The following POSTN variants were observed in gnomAD, a reference collection of about 807,000 sequenced individuals.
POSTN encodes periostin, also known as osteoblast specific factor 2 (fasciclin I-like).
A neutral mutation model predicts 104.5 loss-of-function variants in POSTN; 71 were observed. That is an observed-to-expected ratio of 0.68 (90% CI 0.56 to 0.83). POSTN has a LOEUF of 0.83. POSTN is among the 40% of genes least tolerant of loss of function. The pLI is 0.00. For synonymous variants in POSTN, 355 were observed against 340.7 expected, an observed-to-expected ratio of 1.04 and a Z score of -0.46; for missense variants, 949 against 1,006.8, an observed-to-expected ratio of 0.94 and a Z score of 0.78.
At chr13:37,580,294 A>G (rs1950541189) in intron 11 of POSTN, among the ~76,000 whole-genome samples, 2 of 152,188 alleles carry the variant, frequency 1.3e-5, no homozygotes, top group African/African-American at 2.4e-5. Flanking sequence ...TTTGCTATAT[A>G]TACCATCAAT....
In POSTN at chr13:37,580,473, A is replaced by C. The variant is rs958262722; in HGVS notation, c.1529+88T>G. The C allele has an allele frequency of 5.7e-6, 8 of 1,399,304 alleles. No homozygotes were observed. In the Admixed American group the frequency reaches 1.5e-4, roughly 25 times the overall value. 86.7% of individuals were successfully genotyped at this position (1,399,304 alleles called of 1,614,324 possible). ...TAAATTCCATTTTCAACCACATAGGAGACTGAATGCCTTTTGGGATACCGC... is the reference window on the plus strand; with the variant it reads ...TAAATTCCATTTTCAACCACATAGGCGACTGAATGCCTTTTGGGATACCGC... On this transcript the variant is annotated intron_variant, in intron 11 of 22. Transcript: ENST00000379747.
At chr13:37,591,061 T>C (rs2138368234) in intron 3 of POSTN, among the ~76,000 whole-genome samples, 1 of 152,284 alleles carries the variant, frequency 6.6e-6, no homozygotes, top group Non-Finnish European at 1.5e-5. Context: ...CCCTATTTAT[T>C]TGAAAATTAG....
At chr13:37,586,725 T>C (rs1950756564) in intron 6 of POSTN, 57 bp downstream of exon 6, 6 of 1,505,070 alleles carry the variant, frequency 4.0e-6, no homozygotes, top group Middle Eastern at 1.7e-4. Flanking sequence ...TTTTTAGATT[T>C]TGACAGGAGA....
At chr13:37,575,212 A>G (rs568953074) in intron 16 of POSTN, among the ~76,000 whole-genome samples, 2 of 152,130 alleles carry the variant, frequency 1.3e-5, no homozygotes, top group South Asian at 2.1e-4. Context: ...TTCAACAAAC[A>G]TGATATGATC....
chr13:37,574,415 C>T (rs1304086507), intron 17 of POSTN, among the ~76,000 whole-genome samples, 157 bp downstream of exon 17: 3 of 151,868 alleles, frequency 2.0e-5, no homozygotes, highest in South Asian at 2.1e-4. Flanking sequence ...ATTTGCACTC[C>T]GCATTCTGCA....
intron 4 of POSTN, among the ~76,000 whole-genome samples, chr13:37,589,936 C>G (rs751891201): frequency 6.6e-6 from 1 of 151,972 alleles, no homozygotes; most frequent in Non-Finnish European, 1.5e-5. Flanking sequence ...ATTTGACAAC[C>G]TGAACATCCA....
Position 37,586,121 on chromosome 13 carries a change from A to G in POSTN, c.895+18T>C, listed in dbSNP as rs200260205. ...CAGAATGCTGGGAGACTCCTTAGAG[A>G]TGAAGACATTAAACTACCTTCGGAA... On this transcript the variant is annotated intron_variant, in intron 7 of 22. Transcript: ENST00000379747. 1.1e-5 allele frequency: 17 copies of G among 1,603,556 alleles called. No homozygotes were observed. The highest frequency in any genetic ancestry group is 5.1e-5 in the Admixed American group (3 of 58,914).
At chr13:37,572,848 G>A (rs1269570486) in intron 17 of POSTN, among the ~76,000 whole-genome samples, 1 of 151,534 alleles carries the variant, frequency 6.6e-6, no homozygotes, top group Non-Finnish European at 1.5e-5. Context: ...AGAAGGAAAT[G>A]CCAGTAGCAA....
Position 37,580,753 on chromosome 13 carries a change from A to G in POSTN, c.1393-56T>C, listed in dbSNP as rs1054556153. On this transcript the variant is annotated intron_variant, in intron 10 of 22. Coordinates refer to ENST00000379747, the MANE Select transcript of POSTN (RefSeq NM_006475.3). ...ATTTTCCTTGCTTGAAATTTCCCGT[A>G]TAGATGTAACTACATAATTAAGTTT... 1.2e-5 allele frequency: 20 copies of G among 1,609,614 alleles called. No individual in the cohort carries two copies. In the African/African-American group the frequency reaches 2.4e-4, roughly 19 times the overall value.
At chr13:37,584,441 C>A (rs549362969) in intron 8 of POSTN, among the ~76,000 whole-genome samples, 93 of 152,156 alleles carry the variant, frequency 6.1e-4, no homozygotes, top group African/African-American at 2.1e-3. Context: ...TAGATCTTTC[C>A]TTCTCTTTCC....
At chr13:37,590,900 G>T (rs1402474759) in intron 3 of POSTN, among the ~76,000 whole-genome samples, 3 of 152,024 alleles carry the variant, frequency 2.0e-5, no homozygotes, top group African/African-American at 7.2e-5. Context: ...ATGTAGGCCT[G>T]CTTGTTTTCA....
In POSTN at chr13:37,592,014, A is replaced by G. The variant is rs1360018698; in HGVS notation, c.283+86T>C. The G allele has an allele frequency of 1.2e-5, 10 of 822,816 alleles. No individual in the cohort carries two copies. The East Asian group carries it at 2.0e-4, about 17-fold the overall frequency. 51.0% of individuals were successfully genotyped at this position (822,816 alleles called of 1,614,324 possible). ...GGATTTAGGATGGTGCTGAATACACACATACACAATTGGCTTCTCCACAAG... is the reference window on the plus strand; with the variant it reads ...GGATTTAGGATGGTGCTGAATACACGCATACACAATTGGCTTCTCCACAAG... On this transcript the variant is annotated intron_variant, in intron 3 of 22. Transcript: ENST00000379747.
chr13:37,569,397 T>G lies in POSTN; in HGVS notation c.2348-14A>C. 6.3e-7 allele frequency: 1 copy of G among 1,589,454 alleles called. No homozygotes were observed. Among genetic ancestry groups the G allele is most frequent in the Non-Finnish European group, 8.6e-7 (1 of 1,158,660 alleles). On this transcript the variant is annotated splice_polypyrimidine_tract_variant and intron_variant, in intron 20 of 22. Coordinates refer to ENST00000379747, the MANE Select transcript of POSTN (RefSeq NM_006475.3). ...CCTTGGTGACCTCTGAGAGGATACA[T>G]GTTTATAGCAGAAATTGGTTTATAT...
rs745372840 is a variant in POSTN at position 37,580,696 on chromosome 13, G to A, written c.1394C>T (p.Ala465Val). Reference sequence around the variant, plus strand: ...CATGCATGAATTTTCAATGCAGACAGCCTAGGAAAGGAAAGAAAGGTATGG... The same window carrying A: ...CATGCATGAATTTTCAATGCAGACAACCTAGGAAAGGAAAGAAAGGTATGG... ...KQLRVFVYRT[A>V]VCIENSCMEK... is the part of the protein sequence containing the mutation. Residue 465 changes from alanine to valine, a missense_variant and splice_region_variant, in exon 11 of 23, where the codon GCT becomes GTT. Coordinates refer to ENST00000379747, the MANE Select transcript of POSTN (RefSeq NM_006475.3). The A allele has an allele frequency of 6.8e-6, 11 of 1,613,810 alleles. No individual in the cohort carries two copies. In the East Asian group the frequency reaches 2.2e-4, roughly 33 times the overall value.
intron 4 of POSTN, among the ~76,000 whole-genome samples, chr13:37,589,554 T>A (rs1950862769): frequency 6.6e-6 from 1 of 152,100 alleles, no homozygotes; most frequent in Non-Finnish European, 1.5e-5. Flanking sequence ...TGTGTCCATG[T>A]GTTCTCATTG....
At chr13:37,579,804 G>A in intron 12 of POSTN, 57 bp downstream of exon 12, 1 of 1,565,196 alleles carries the variant, frequency 6.4e-7, no homozygotes, top group Non-Finnish European at 8.7e-7. Context: ...GAAAGCTTGA[G>A]AAAGAAGTGA....
intron 18 of POSTN, 155 bp downstream of exon 18, chr13:37,571,214 A>G (rs1950253381): frequency 1.9e-6 from 1 of 536,442 alleles, no homozygotes; most frequent in Non-Finnish European, 3.3e-6. Context: ...ATTTCTGACC[A>G]GCTAATAAGA....
intron 9 of POSTN, 80 bp from the exon 10 acceptor site, chr13:37,582,594 A>G: frequency 7.8e-7 from 1 of 1,284,592 alleles, no homozygotes; most frequent in Non-Finnish European, 1.1e-6. Context: ...AGAATCATAT[A>G]AACAGATAAT....
intron 20 of POSTN, 142 bp downstream of exon 20, chr13:37,569,602 C>A: frequency 1.2e-6 from 1 of 842,128 alleles, no homozygotes; most frequent in East Asian, 2.5e-5. Flanking sequence ...ATGCTTAATT[C>A]CTTATTCTTG....
Sources: allele counts gnomAD v4.1 joint callset (sites outside exome capture counted in the v4.1 genomes callset), GRCh38; gene constraint gnomAD v4.1.1; transcripts MANE v1.5; gene names NCBI Gene and HGNC (gene_info 2026-07-23, HGNC 2026-07-21).